The following PDE8B variants were observed in gnomAD, a reference collection of about 807,000 sequenced individuals.
PDE8B encodes the protein high affinity cAMP-specific and IBMX-insensitive 3',5'-cyclic phosphodiesterase 8B.
Under a neutral mutation model 101.3 loss-of-function variants are expected in PDE8B, and 26 were observed. That is an observed-to-expected ratio of 0.26 (90% CI 0.19 to 0.36). PDE8B has a LOEUF of 0.36. Among genes scored for constraint, PDE8B ranks in the 10% least tolerant of loss-of-function variants. The probability of loss-of-function intolerance (pLI) is 1.00; values close to 1 mark genes in which losing one functional copy is unlikely to be tolerated. For missense variants in PDE8B, 810 were observed against 1,163.1 expected, an observed-to-expected ratio of 0.70 and a Z score of 4.42; for synonymous variants, 424 against 429.3, an observed-to-expected ratio of 0.99 and a Z score of 0.15.
the PDE8B span, among the ~76,000 whole-genome samples, chr5:77,193,995 T>C: frequency 6.6e-6 from 1 of 152,224 alleles, no homozygotes; most frequent in Admixed American, 6.5e-5. Flanking sequence ...TATCCTGTGA[T>C]TTTATTATAC....
intron 1 of PDE8B, among the ~76,000 whole-genome samples, chr5:77,268,509 C>A (rs1037023893): frequency 6.6e-6 from 1 of 151,848 alleles, no homozygotes; most frequent in Non-Finnish European, 1.5e-5. Context: ...CCCCACCCCC[C>A]CACTACTCTT....
At chr5:77,339,354 G>A (rs200365364) in intron 6 of PDE8B, among the ~76,000 whole-genome samples, 1 of 152,176 alleles carries the variant, frequency 6.6e-6, no homozygotes, top group African/African-American at 2.4e-5. Flanking sequence ...GGTTTGCCTG[G>A]CACAGAGATT....
chr5:77,418,853 G>T (rs752992696), intron 18 of PDE8B, among the ~76,000 whole-genome samples: 49 of 152,140 alleles, frequency 3.2e-4, no homozygotes, highest in Non-Finnish European at 6.8e-4. Context: ...GAGCACGAAG[G>T]GTGGGGCAGG....
chr5:77,320,566 G>C (rs1774822227), intron 2 of PDE8B, among the ~76,000 whole-genome samples: 1 of 152,094 alleles, frequency 6.6e-6, no homozygotes, highest in South Asian at 2.1e-4. Context: ...ATAATTATCT[G>C]CTTCCTTGAC....
At chr5:77,116,224 A>ATT in the PDE8B span, among the ~76,000 whole-genome samples, 486 of 59,596 alleles carry the variant, frequency 8.2e-3, no homozygotes, top group Middle Eastern at 0.01. Flanking sequence ...ATATATATAT[A>ATT]TTTTTTTTTT....
the PDE8B span, among the ~76,000 whole-genome samples, chr5:77,188,684 G>A: frequency 3.3e-5 from 5 of 152,198 alleles, no homozygotes; most frequent in South Asian, 2.1e-4. Context: ...AATAGTGAAG[G>A]GAGTAGAAGG....
chr5:77,380,993 G>A (rs767539078), intron 10 of PDE8B, among the ~76,000 whole-genome samples: 1 of 152,160 alleles, frequency 6.6e-6, no homozygotes, highest in Admixed American at 6.5e-5. Context: ...AGGTGGGAAA[G>A]GGCATGGGAG....
At chr5:77,124,715 C>T in the PDE8B span, among the ~76,000 whole-genome samples, 2 of 151,910 alleles carry the variant, frequency 1.3e-5, no homozygotes, top group Admixed American at 1.3e-4. Context: ...AATACAACAT[C>T]CAAAATTGAA....
chr5:77,426,114 G>A (rs1223385973), intron 21 of PDE8B: 1 of 614,524 alleles, frequency 1.6e-6, no homozygotes. Context: ...TTGATAGCTG[G>A]ATAAACGAGT....
chr5:77,392,028 A>C (rs1308590135), intron 10 of PDE8B, among the ~76,000 whole-genome samples: 7 of 152,218 alleles, frequency 4.6e-5, no homozygotes, highest in Non-Finnish European at 1.0e-4. Flanking sequence ...AAACATGGGA[A>C]ATAAAAATGT....
At chr5:77,298,846 A>T (rs1275045675) in intron 1 of PDE8B, among the ~76,000 whole-genome samples, 1 of 152,236 alleles carries the variant, frequency 6.6e-6, no homozygotes, top group Non-Finnish European at 1.5e-5. Flanking sequence ...AAGAAAGTGG[A>T]TGCCTACCTC....
chr5:77,180,527 C>T, the PDE8B span: 8 of 978,132 alleles, frequency 8.2e-6, no homozygotes, highest in South Asian at 4.7e-5. Context: ...CCTCGGCCGC[C>T]CCCTCACACC....
chr5:77,275,209 A>T (rs1292027897), intron 1 of PDE8B, among the ~76,000 whole-genome samples: 1 of 151,976 alleles, frequency 6.6e-6, no homozygotes, highest in African/African-American at 2.4e-5. Flanking sequence ...AAAAAGAAAA[A>T]ATATATATAC....
the PDE8B span, among the ~76,000 whole-genome samples, chr5:77,138,084 T>C: frequency 6.6e-6 from 1 of 152,228 alleles, no homozygotes; most frequent in Non-Finnish European, 1.5e-5. Context: ...CTTCCCATGA[T>C]AATAGTGACA....
chr5:77,373,713 C>A (rs1166886876), intron 10 of PDE8B, among the ~76,000 whole-genome samples: 1 of 152,142 alleles, frequency 6.6e-6, no homozygotes. Flanking sequence ...AATTTACGTA[C>A]CATACAATGT....
At chr5:77,359,220 C>T (rs552503841) in intron 10 of PDE8B, among the ~76,000 whole-genome samples, 3 of 152,296 alleles carry the variant, frequency 2.0e-5, no homozygotes, top group East Asian at 1.9e-4. Context: ...GAGGGAGAGA[C>T]AACTTCACGC....
chr5:77,368,364 C>T (rs1204069467), intron 10 of PDE8B, among the ~76,000 whole-genome samples: 14 of 152,204 alleles, frequency 9.2e-5, no homozygotes, highest in Admixed American at 9.2e-4. Context: ...TGATCCTTTA[C>T]CCTTCCCGTG....
At position 77,397,161 on chromosome 5, in the gene PDE8B, C is replaced by T. The variant is rs903993333; in HGVS notation, c.1168-3087C>T. Among the ~76,000 whole-genome samples the T allele has an allele frequency of 1.5e-4, 22 of 149,852 alleles. 1 individual carries two copies. Among genetic ancestry groups the T allele is most frequent in the African/African-American group, 4.2e-4 (17 of 40,594 alleles). ...AGTTCTGTCTCAGCCTCCCGAGTAGCGGGGACTACAGGTGCACACCACCCT... is the reference window on the plus strand; with the variant it reads ...AGTTCTGTCTCAGCCTCCCGAGTAGTGGGGACTACAGGTGCACACCACCCT... On this transcript the variant is annotated intron_variant, in intron 10 of 21. Coordinates refer to ENST00000264917, the MANE Select transcript of PDE8B (RefSeq NM_003719.5).
intron 1 of PDE8B, among the ~76,000 whole-genome samples, chr5:77,262,806 T>A (rs1760900890): frequency 6.6e-6 from 1 of 152,214 alleles, no homozygotes; most frequent in Non-Finnish European, 1.5e-5. Flanking sequence ...TAAAGTCTAT[T>A]CTGTGAACCA....
Sources: gnomAD v4.1 joint callset for allele counts (sites outside exome capture counted in the v4.1 genomes callset) on GRCh38, gnomAD v4.1.1 for gene constraint, MANE v1.5 for transcripts, NCBI Gene and HGNC (gene_info 2026-07-23, HGNC 2026-07-21) for gene names.